The following SNTG1 variants were observed in gnomAD, a reference collection of about 807,000 sequenced individuals.
SNTG1 encodes syntrophin gamma 1, also known as gamma-1-syntrophin.
Under a neutral mutation model 74.7 loss-of-function variants are expected in SNTG1, and 39 were observed. That is an observed-to-expected ratio of 0.52 (90% CI 0.40 to 0.68). The LOEUF (loss-of-function observed/expected upper bound fraction) is 0.68. Among genes scored for constraint, SNTG1 ranks in the 30% least tolerant of loss-of-function variants. SNTG1 has a pLI of 0.00. For missense variants in SNTG1, 685 were observed against 609.5 expected (o/e 1.12, Z -1.30); for synonymous variants, 254 against 217.1 (o/e 1.17, Z -1.49).
At chr8:50,330,370 C>T (rs1459211024) in intron 2 of SNTG1, among the ~76,000 whole-genome samples, 2 of 152,104 alleles carry the variant, frequency 1.3e-5, no homozygotes, top group African/African-American at 2.4e-5. Flanking sequence ...TATAAATTAA[C>T]CAGTGTCAGG....
chr8:50,664,497 C>T (rs940209666), intron 15 of SNTG1, among the ~76,000 whole-genome samples: 4 of 152,034 alleles, frequency 2.6e-5, no homozygotes, highest in Non-Finnish European at 5.9e-5. Context: ...ACTTTTTCTC[C>T]TATATTTTTG....
At chr8:49,967,595 G>GAA (rs5891339) in intron 1 of SNTG1, among the ~76,000 whole-genome samples, 3 of 151,814 alleles carry the variant, frequency 2.0e-5, no homozygotes, top group African/African-American at 7.3e-5. Context: ...ATTTGGACAG[G>GAA]AAAAAAAGTT....
At chr8:50,207,302 T>C (rs1052732770) in intron 2 of SNTG1, among the ~76,000 whole-genome samples, 20 of 152,204 alleles carry the variant, frequency 1.3e-4, no homozygotes, top group East Asian at 5.8e-4. Context: ...TGGGAGGGTG[T>C]ATATGTCCAG....
At chr8:50,027,506 C>T (rs1817369942) in intron 1 of SNTG1, among the ~76,000 whole-genome samples, 7 of 152,094 alleles carry the variant, frequency 4.6e-5, no homozygotes, top group Admixed American at 4.6e-4. Context: ...TCCTATGGAC[C>T]TGTGGAGACA....
At chr8:50,329,665 C>G (rs1448632402) in intron 2 of SNTG1, among the ~76,000 whole-genome samples, 1 of 152,084 alleles carries the variant, frequency 6.6e-6, no homozygotes, top group Admixed American at 6.5e-5. Context: ...ATTTTTCCTC[C>G]TAGACTTCCA....
At chr8:50,232,853 G>A (rs967670892) in intron 2 of SNTG1, among the ~76,000 whole-genome samples, 2 of 151,360 alleles carry the variant, frequency 1.3e-5, no homozygotes, top group African/African-American at 4.8e-5. Flanking sequence ...ATGATAAAAT[G>A]CTGTGATATA....
At chr8:50,054,941 T>C (rs957795918) in intron 1 of SNTG1, among the ~76,000 whole-genome samples, 9 of 152,242 alleles carry the variant, frequency 5.9e-5, no homozygotes, top group Admixed American at 1.3e-4. Flanking sequence ...CCTCTCAAGG[T>C]ACATCCCACC....
At chr8:50,545,980 C>A (rs2094384766) in intron 11 of SNTG1, among the ~76,000 whole-genome samples, 1 of 151,946 alleles carries the variant, frequency 6.6e-6, no homozygotes, top group South Asian at 2.1e-4. Context: ...GGAGGGAAAC[C>A]TACAGGAATG....
Position 49,923,046 on chromosome 8 carries a change from G to A in SNTG1, c.-103+10815G>A, listed in dbSNP as rs546357498. On this transcript the variant is annotated intron_variant, in intron 1 of 18. Transcript: ENST00000642720. Reference sequence around the variant, plus strand: ...AATTCAACTGAAAGAATTGTTTAAGGCCCTTTTTCTTAGGTCTCATGAATC... The same window carrying A: ...AATTCAACTGAAAGAATTGTTTAAGACCCTTTTTCTTAGGTCTCATGAATC... 4.6e-5 allele frequency among the ~76,000 whole-genome samples: 7 copies of A among 152,062 alleles called. No individual in the cohort carries two copies. The South Asian group carries it at 1.5e-3, about 32-fold the overall frequency.
chr8:50,574,525 TA>T (rs2094566142), intron 12 of SNTG1, among the ~76,000 whole-genome samples: 1 of 152,124 alleles, frequency 6.6e-6, no homozygotes, highest in Admixed American at 6.6e-5. Context: ...TATGAGTATA[TA>T]TTACATATAC....
intron 11 of SNTG1, among the ~76,000 whole-genome samples, chr8:50,537,781 C>T (rs1445619881): frequency 6.6e-6 from 1 of 152,126 alleles, no homozygotes; most frequent in African/African-American, 2.4e-5. Flanking sequence ...ATGTCTCCAT[C>T]ACAAAGTACT....
chr8:50,512,838 T>C (rs1053593346), intron 9 of SNTG1, among the ~76,000 whole-genome samples: 3 of 152,192 alleles, frequency 2.0e-5, no homozygotes, highest in African/African-American at 7.2e-5. Flanking sequence ...TCAAGGTTTT[T>C]AACTTCTTTG....
At chr8:50,580,682 A>G (rs1477173139) in intron 12 of SNTG1, among the ~76,000 whole-genome samples, 1 of 152,148 alleles carries the variant, frequency 6.6e-6, no homozygotes, top group African/African-American at 2.4e-5. Context: ...CTGCCACAAT[A>G]TGATGAAGGA....
intron 2 of SNTG1, among the ~76,000 whole-genome samples, chr8:50,199,807 A>G (rs928192454): frequency 5.3e-5 from 8 of 152,152 alleles, no homozygotes; most frequent in African/African-American, 1.4e-4. Context: ...AGAGTGCAAA[A>G]TACTTCTTGC....
intron 1 of SNTG1, among the ~76,000 whole-genome samples, chr8:49,993,392 G>C (rs1001604973): frequency 5.5e-5 from 8 of 146,058 alleles, no homozygotes; most frequent in African/African-American, 2.0e-4. Context: ...CGTCGTTGTT[G>C]TTTTATTTTC....
chr8:50,063,115 T>C (rs1253285500), intron 1 of SNTG1, among the ~76,000 whole-genome samples: 1 of 152,246 alleles, frequency 6.6e-6, no homozygotes, highest in Non-Finnish European at 1.5e-5. Context: ...GGCATTAAGG[T>C]GAAACACCAC....
At chr8:50,027,747 C>G (rs550001092) in intron 1 of SNTG1, among the ~76,000 whole-genome samples, 1 of 152,234 alleles carries the variant, frequency 6.6e-6, no homozygotes, top group African/African-American at 2.4e-5. Context: ...GTACCAACAC[C>G]CAAGGACACT....
At chr8:50,452,770 T>C (rs2093468846) in intron 8 of SNTG1, among the ~76,000 whole-genome samples, 1 of 152,240 alleles carries the variant, frequency 6.6e-6, no homozygotes, top group African/African-American at 2.4e-5. Context: ...TATTTATTTC[T>C]AATATTTCAC....
intron 9 of SNTG1, among the ~76,000 whole-genome samples, chr8:50,507,815 C>T (rs929783145): frequency 6.6e-6 from 1 of 151,588 alleles, no homozygotes; most frequent in African/African-American, 2.4e-5. Context: ...GGTGTATCTC[C>T]TAATGTTATC....
Sources: gnomAD v4.1 joint callset for allele counts (sites outside exome capture counted in the v4.1 genomes callset) on GRCh38, gnomAD v4.1.1 for gene constraint, MANE v1.5 for transcripts, NCBI Gene and HGNC (gene_info 2026-07-23, HGNC 2026-07-21) for gene names.